CHN2: variants seen among roughly 807,000 people sequenced by gnomAD.
CHN2 encodes beta-chimaerin.
A neutral mutation model predicts 56.3 loss-of-function variants in CHN2; 35 were observed. The observed-to-expected ratio is 0.62, with a 90% confidence interval of 0.47 to 0.82. The LOEUF (loss-of-function observed/expected upper bound fraction) is 0.82. Among genes scored for constraint, CHN2 ranks in the 40% least tolerant of loss-of-function variants. The probability of loss-of-function intolerance (pLI) is 0.00; values close to 1 mark genes in which losing one functional copy is unlikely to be tolerated. For synonymous variants in CHN2, 210 were observed against 212.8 expected, an observed-to-expected ratio of 0.99 and a Z score of 0.12; for missense variants, 491 against 580.5, an observed-to-expected ratio of 0.85 and a Z score of 1.58.
intron 10 of CHN2, 94 bp downstream of exon 10, chr7:29,504,915 C>A: frequency 1.2e-6 from 1 of 834,704 alleles, no homozygotes; most frequent in Non-Finnish European, 2.0e-6. Context: ...GGTTTCAGAA[C>A]TACTAAGAGT....
intron 2 of CHN2, among the ~76,000 whole-genome samples, chr7:29,172,931 G>A (rs1025211853): frequency 6.6e-6 from 1 of 152,046 alleles, no homozygotes; most frequent in African/African-American, 2.4e-5. Flanking sequence ...AGGAGTTTGA[G>A]ACCAGCGTGG....
At chr7:29,291,352 TC>T (rs1466204832) in intron 1 of CHN2, among the ~76,000 whole-genome samples, 1 of 152,104 alleles carries the variant, frequency 6.6e-6, no homozygotes, top group Non-Finnish European at 1.5e-5. Context: ...TGCCTGACCA[TC>T]ACCTGATGGT....
intron 6 of CHN2, among the ~76,000 whole-genome samples, chr7:29,412,427 GTTCAAGTGA>G (rs1366971744): frequency 1.4e-5 from 2 of 147,322 alleles, no homozygotes; most frequent in Non-Finnish European, 3.0e-5. Flanking sequence ...CATCTCCCGG[GTTCAAGTGA>G]TTCTTCTACC....
Position 29,257,184 on chromosome 7 carries a change from C to T in CHN2, c.49+62194C>T, listed in dbSNP as rs972955841. 2.6e-4 allele frequency among the ~76,000 whole-genome samples: 40 copies of T among 152,126 alleles called. 1 individual carries two copies. The highest frequency in any genetic ancestry group is 8.5e-4 in the African/African-American group (35 of 41,418). ...ATCTTCCTTGACCACACCTGAGTAC[C>T]GTGAATGACCACCAACCCTCACTGA... is the stretch of plus-strand genomic sequence containing the variant. On this transcript the variant is annotated intron_variant, in intron 1 of 12. Transcript: ENST00000222792.
At chr7:29,176,665 CAAGAAAGAA>C (rs1797389308) in intron 2 of CHN2, among the ~76,000 whole-genome samples, 1 of 152,078 alleles carries the variant, frequency 6.6e-6, no homozygotes, top group Admixed American at 6.6e-5. Context: ...ATCTAATATA[CAAGAAAGAA>C]TTTTGAGCCA....
chr7:29,212,850 G>A, intron 1 of CHN2: 6 of 1,607,878 alleles, frequency 3.7e-6, no homozygotes, highest in East Asian at 2.2e-5. Context: ...TACCACCAGG[G>A]ATGACTGGTG....
chr7:29,220,238 C>T (rs1785671200), intron 1 of CHN2, among the ~76,000 whole-genome samples: 1 of 149,028 alleles, frequency 6.7e-6, no homozygotes. Context: ...CCACTGTACT[C>T]CAGCCTGGGC....
At position 29,475,859 on chromosome 7, in the gene CHN2, G is replaced by T. The variant is rs577480630; in HGVS notation, c.577-4420G>T. On this transcript the variant is annotated intron_variant, in intron 6 of 12. Coordinates refer to ENST00000222792, the MANE Select transcript of CHN2 (RefSeq NM_004067.4). ...TCATAGAGACAGAAAGCAGATTGGT[G>T]TTTGCCAGAGGTTGGGAGGAGAAGA... Among the ~76,000 whole-genome samples the T allele has an allele frequency of 2.0e-5, 3 of 152,318 alleles. 1 individual carries two copies. In the South Asian group the frequency reaches 6.2e-4, roughly 32 times the overall value.
At chr7:29,247,293 T>C (rs1382278258) in intron 1 of CHN2, among the ~76,000 whole-genome samples, 1 of 152,168 alleles carries the variant, frequency 6.6e-6, no homozygotes, top group Non-Finnish European at 1.5e-5. Flanking sequence ...ATATTACTGA[T>C]GTTTATGTGA....
chr7:29,327,408 C>T (rs1252693290), intron 1 of CHN2, among the ~76,000 whole-genome samples: 1 of 152,196 alleles, frequency 6.6e-6, no homozygotes, highest in Non-Finnish European at 1.5e-5. Context: ...GGATCAGCTT[C>T]AGGGACTTCG....
intron 3 of CHN2, among the ~76,000 whole-genome samples, chr7:29,382,474 A>G (rs1028481535): frequency 2.0e-5 from 3 of 152,326 alleles, no homozygotes; most frequent in Non-Finnish European, 2.9e-5. Context: ...CAGTCTTTCC[A>G]TGGATACCCC....
At chr7:29,203,467 CAAAAAAAAA>C (rs11287820) in intron 1 of CHN2, among the ~76,000 whole-genome samples, 2 of 55,582 alleles carry the variant, frequency 3.6e-5, no homozygotes, top group Admixed American at 2.1e-4. Context: ...AACTCCGTCT[CAAAAAAAAA>C]AAAAAAAAAA....
intron 6 of CHN2, among the ~76,000 whole-genome samples, chr7:29,467,031 AT>A (rs540720128): frequency 2.3e-4 from 35 of 152,248 alleles, no homozygotes; most frequent in East Asian, 1.9e-4. Context: ...TGTATTCTAC[AT>A]TTTTTTATGA....
At chr7:29,348,473 G>A (rs2128920363) in intron 1 of CHN2, among the ~76,000 whole-genome samples, 1 of 152,062 alleles carries the variant, frequency 6.6e-6, no homozygotes, top group East Asian at 1.9e-4. Context: ...CATTTTCTAA[G>A]CATCTGTATC....
chr7:29,168,843 A>G (rs946786030), intron 2 of CHN2, among the ~76,000 whole-genome samples: 7 of 152,254 alleles, frequency 4.6e-5, no homozygotes, highest in African/African-American at 1.7e-4. Flanking sequence ...TTATGTGTGC[A>G]TGATTTTTAC....
intron 1 of CHN2, among the ~76,000 whole-genome samples, chr7:29,332,466 G>T (rs1267511234): frequency 6.6e-6 from 1 of 152,126 alleles, no homozygotes; most frequent in Non-Finnish European, 1.5e-5. Context: ...AGTAGGAACC[G>T]TACTATGAAT....
chr7:29,360,850 C>T (rs1278710742), intron 2 of CHN2, among the ~76,000 whole-genome samples: 5 of 152,186 alleles, frequency 3.3e-5, no homozygotes, highest in South Asian at 2.1e-4. Context: ...ACCCATTAGC[C>T]GTCTGATTCT....
At position 29,222,575 on chromosome 7, in the gene CHN2, C is replaced by A. The variant is rs568981861; in HGVS notation, c.49+27585C>A. On this transcript the variant is annotated intron_variant, in intron 1 of 12. Coordinates refer to ENST00000222792, the MANE Select transcript of CHN2 (RefSeq NM_004067.4). ...AATGAGAGATGTTCAAAACCTTCACCGTGAAAACTGCAAAATATATTGAGA... is the reference window on the plus strand; with the variant it reads ...AATGAGAGATGTTCAAAACCTTCACAGTGAAAACTGCAAAATATATTGAGA... Among the ~76,000 whole-genome samples, 7 of 151,966 alleles carry A rather than the reference C, an allele frequency of 4.6e-5. No homozygotes were observed. The South Asian group carries it at 1.0e-3, about 23-fold the overall frequency.
intron 7 of CHN2, among the ~76,000 whole-genome samples, chr7:29,487,137 T>G (rs1343498006): frequency 6.6e-6 from 1 of 152,174 alleles, no homozygotes; most frequent in Non-Finnish European, 1.5e-5. Flanking sequence ...AGAACAGGGA[T>G]GGCTGGATAT....
Sources: gnomAD v4.1 joint callset for allele counts (sites outside exome capture counted in the v4.1 genomes callset) on GRCh38, gnomAD v4.1.1 for gene constraint, MANE v1.5 for transcripts, NCBI Gene and HGNC (gene_info 2026-07-23, HGNC 2026-07-21) for gene names.